The following DLGAP1 variants were observed in gnomAD, a reference collection of about 807,000 sequenced individuals.
DLGAP1 encodes the protein disks large-associated protein 1.
A neutral mutation model predicts 90.8 loss-of-function variants in DLGAP1; 11 were observed. The ratio of observed to expected loss-of-function variants is 0.12; its 90% CI spans 0.08 to 0.20. The LOEUF (loss-of-function observed/expected upper bound fraction) is 0.20, where lower values mean the gene tolerates loss of function less well. Among genes scored for constraint, DLGAP1 ranks in the 10% least tolerant of loss-of-function variants. The probability of loss-of-function intolerance (pLI) is 1.00; values close to 1 mark genes in which losing one functional copy is unlikely to be tolerated. For synonymous variants in DLGAP1, 558 were observed against 540.7 expected (o/e 1.03, Z -0.44); for missense variants, 1,050 against 1,333.8 (o/e 0.79, Z 3.31).
chr18:4,442,048 G>C (rs908122954), intron 1 of DLGAP1, among the ~76,000 whole-genome samples: 1 of 152,168 alleles, frequency 6.6e-6, no homozygotes, highest in African/African-American at 2.4e-5. Context: ...CTGGAGTGCA[G>C]TGGCGCGATC....
chr18:3,961,095 G>C (rs944225368), intron 3 of DLGAP1, among the ~76,000 whole-genome samples: 1 of 152,152 alleles, frequency 6.6e-6, no homozygotes, highest in Non-Finnish European at 1.5e-5. Context: ...GGGCCGCTGG[G>C]GGAGCAGGCC....
chr18:4,041,787 GC>G (rs2074979384), intron 2 of DLGAP1, among the ~76,000 whole-genome samples: 1 of 152,118 alleles, frequency 6.6e-6, no homozygotes, highest in Admixed American at 6.6e-5. Context: ...GTGACCAATT[GC>G]TCTTCATCTC....
intron 1 of DLGAP1, among the ~76,000 whole-genome samples, chr18:4,167,194 A>G (rs2076947537): frequency 6.6e-6 from 1 of 152,204 alleles, no homozygotes; most frequent in African/African-American, 2.4e-5. Flanking sequence ...CGACATTTCA[A>G]TAATTATCTT....
In DLGAP1 at chr18:3,813,358, T is replaced by C. The variant is rs113369748; in HGVS notation, c.1172+701A>G. On this transcript the variant is annotated intron_variant, in intron 5 of 12. Transcript: ENST00000315677. ...CTTAGGAGCAATAGGCCACTCCATATAGCCTAAGTGTGTAATAGGCTAGAC... is the reference window on the plus strand; with the variant it reads ...CTTAGGAGCAATAGGCCACTCCATACAGCCTAAGTGTGTAATAGGCTAGAC... Among the ~76,000 whole-genome samples the C allele has an allele frequency of 1.2e-3, 190 of 152,336 alleles. 2 individuals are homozygous for C. Among genetic ancestry groups the C allele is most frequent in the African/African-American group, 4.4e-3 (184 of 41,580 alleles).
At chr18:3,583,180 AC>A (rs2055653131) in intron 7 of DLGAP1, among the ~76,000 whole-genome samples, 2 of 132,806 alleles carry the variant, frequency 1.5e-5, no homozygotes, top group African/African-American at 6.3e-5. Flanking sequence ...CTACCTACCT[AC>A]CTACCTTCCT....
intron 3 of DLGAP1, chr18:3,892,059 G>C (rs926832866): frequency 1.4e-5 from 2 of 147,342 alleles, no homozygotes; most frequent in African/African-American, 5.0e-5. Flanking sequence ...ACTAAATTTT[G>C]AACACAGCAT....
chr18:3,751,558 A>ATT (rs71160916), intron 5 of DLGAP1, among the ~76,000 whole-genome samples: 16 of 117,858 alleles, frequency 1.4e-4, no homozygotes, highest in Non-Finnish European at 1.6e-4. Flanking sequence ...ACCCGACAAA[A>ATT]TTTTTTTTTT....
At chr18:3,577,974 T>C (rs143762657) in intron 8 of DLGAP1, among the ~76,000 whole-genome samples, 1 of 152,358 alleles carries the variant, frequency 6.6e-6, no homozygotes, top group Non-Finnish European at 1.5e-5. Context: ...ATATTAATCA[T>C]AACAACTAAA....
chr18:4,098,017 G>T (rs567170548), intron 2 of DLGAP1, among the ~76,000 whole-genome samples: 1 of 152,184 alleles, frequency 6.6e-6, no homozygotes, highest in South Asian at 2.1e-4. Context: ...GGACTCAATC[G>T]ATCCTCCCAC....
intron 3 of DLGAP1, among the ~76,000 whole-genome samples, chr18:3,922,205 G>A (rs73940294): frequency 1.8e-3 from 268 of 152,316 alleles, no homozygotes; most frequent in African/African-American, 6.0e-3. Flanking sequence ...TTTTGCTGCA[G>A]TTAAGGGTCC....
At chr18:4,065,263 C>T (rs185804880) in intron 2 of DLGAP1, among the ~76,000 whole-genome samples, 17 of 152,068 alleles carry the variant, frequency 1.1e-4, no homozygotes, top group South Asian at 4.2e-4. Context: ...CCTTGAAAAC[C>T]GGCACAAGAC....
intron 3 of DLGAP1, chr18:3,978,357 A>C (rs919990268): frequency 2.9e-6 from 1 of 341,548 alleles, no homozygotes; most frequent in South Asian, 2.6e-5. Flanking sequence ...GCATCATCTC[A>C]TTTAATTTTC....
intron 1 of DLGAP1, among the ~76,000 whole-genome samples, chr18:4,348,931 T>C (rs887799348): frequency 4.6e-5 from 7 of 152,068 alleles, no homozygotes; most frequent in African/African-American, 1.7e-4. Flanking sequence ...ATGATGGATA[T>C]AGAAAATCAT....
At chr18:4,244,464 T>C (rs1485575713) in intron 1 of DLGAP1, among the ~76,000 whole-genome samples, 1 of 152,204 alleles carries the variant, frequency 6.6e-6, no homozygotes, top group African/African-American at 2.4e-5. Context: ...ATTCACCTAT[T>C]TACTCTTATA....
chr18:3,917,664 T>C (rs1317382908), intron 3 of DLGAP1, among the ~76,000 whole-genome samples: 2 of 152,210 alleles, frequency 1.3e-5, no homozygotes, highest in African/African-American at 4.8e-5. Flanking sequence ...AATTTCAGTA[T>C]AAGTAAGAGA....
intron 5 of DLGAP1, among the ~76,000 whole-genome samples, chr18:3,748,411 T>C (rs2147778504): frequency 6.6e-6 from 1 of 152,366 alleles, no homozygotes; most frequent in East Asian, 1.9e-4. Flanking sequence ...TTCAGATGGC[T>C]GGGATGCTTT....
At chr18:3,993,487 C>T (rs907134715) in intron 3 of DLGAP1, among the ~76,000 whole-genome samples, 24 of 151,936 alleles carry the variant, frequency 1.6e-4, no homozygotes, top group African/African-American at 5.3e-4. Flanking sequence ...TGTCTTTCCT[C>T]CTTTCAGTAA....
At chr18:4,162,918 T>A (rs562244676) in intron 1 of DLGAP1, among the ~76,000 whole-genome samples, 2,578 of 149,588 alleles carry the variant, frequency 0.017, 74 homozygotes, top group African/African-American at 0.06. Context: ...GAGTTTTTTT[T>A]TAAAAAAAAA....
intron 10 of DLGAP1, among the ~76,000 whole-genome samples, chr18:3,530,479 A>G (rs2051918149): frequency 1.3e-5 from 2 of 152,176 alleles, no homozygotes. Flanking sequence ...CCAATCAGGA[A>G]GCTAGAAGGA....
Sources: allele counts gnomAD v4.1 joint callset (sites outside exome capture counted in the v4.1 genomes callset), GRCh38; gene constraint gnomAD v4.1.1; transcripts MANE v1.5; gene names NCBI Gene and HGNC (gene_info 2026-07-23, HGNC 2026-07-21).